CNTNAP2: variants seen among roughly 807,000 people sequenced by gnomAD.
CNTNAP2 encodes contactin-associated protein-like 2.
CNTNAP2 carries 98 observed loss-of-function variants against 155.2 expected under a neutral mutation model. The observed-to-expected ratio is 0.63, with a 90% CI of 0.54 to 0.75. CNTNAP2 has a LOEUF of 0.75. CNTNAP2 is among the 30% of genes least tolerant of loss of function. The probability of loss-of-function intolerance (pLI) is 0.00; values close to 1 mark genes in which losing one functional copy is unlikely to be tolerated. For missense variants in CNTNAP2, 1,727 were observed against 1,688.1 expected, an observed-to-expected ratio of 1.02 and a Z score of -0.40; for synonymous variants, 651 against 631.2, an observed-to-expected ratio of 1.03 and a Z score of -0.47.
chr7:147,132,326 C>A lies in CNTNAP2; in HGVS notation c.1165C>A (p.Arg389=), dbSNP rs375172684. ...NATSYLEVPG[R]LNQDLFSVSF... is the part of the protein sequence containing the mutation. Reference sequence around the variant, plus strand: ...TACAAGTTACCTGGAGGTGCCCGGACGGCTTAACCAGGACCTGTTCTCAGT... The same window carrying A: ...TACAAGTTACCTGGAGGTGCCCGGAAGGCTTAACCAGGACCTGTTCTCAGT... Residue 389 remains arginine, a synonymous_variant, in exon 8 of 24, where the codon CGG becomes AGG. Coordinates refer to ENST00000361727, the MANE Select transcript of CNTNAP2 (RefSeq NM_014141.6). 3.7e-6 allele frequency: 6 copies of A among 1,613,592 alleles called. No homozygotes were observed. The African/African-American group carries it at 8.0e-5, about 22-fold the overall frequency.
chr7:147,824,779 A>G, intron 13 of CNTNAP2, among the ~76,000 whole-genome samples: 1 of 152,116 alleles, frequency 6.6e-6, no homozygotes, highest in East Asian at 1.9e-4. Context: ...TTTAAGAAGT[A>G]AGAGAAGTGA....
intron 4 of CNTNAP2, among the ~76,000 whole-genome samples, chr7:147,103,494 A>G (rs1479755669): frequency 6.6e-6 from 1 of 152,110 alleles, no homozygotes; most frequent in Non-Finnish European, 1.5e-5. Flanking sequence ...TCTTGAAGTG[A>G]CTTGGTATTT....
chr7:146,463,070 A>G (rs1416170873), intron 1 of CNTNAP2, among the ~76,000 whole-genome samples: 1 of 152,118 alleles, frequency 6.6e-6, no homozygotes, highest in Non-Finnish European at 1.5e-5. Flanking sequence ...AGGAAGTTGA[A>G]TAGACTAGAA....
In CNTNAP2 at chr7:147,108,201, A is replaced by G. The variant is rs756717348; in HGVS notation, c.605A>G (p.Asn202Ser). 1 of 1,613,770 alleles carries G rather than the reference A, an allele frequency of 6.2e-7. No individual in the cohort carries two copies. Among genetic ancestry groups the G allele is most frequent in the Non-Finnish European group, 8.5e-7 (1 of 1,179,808 alleles). Reference sequence around the variant, plus strand: ...GTTGTATTACCATATAGATTCAGAAACAAGAAGATGAAAACACTGAAAGAT... The same window carrying G: ...GTTGTATTACCATATAGATTCAGAAGCAAGAAGATGAAAACACTGAAAGAT... ...GHVVLPYRFR[N>S]KKMKTLKDVI... is the part of the protein sequence containing the mutation. The change falls in exon 5 of 24, where the codon AAC becomes AGC. Residue 202 changes from asparagine (N) to serine (S), a missense_variant. Transcript: ENST00000361727.
intron 9 of CNTNAP2, among the ~76,000 whole-genome samples, chr7:147,319,322 T>C (rs1021776530): frequency 1.3e-5 from 2 of 152,204 alleles, no homozygotes; most frequent in African/African-American, 4.8e-5. Flanking sequence ...TATATAATGG[T>C]AAATATCAAC....
At chr7:147,317,976 A>G (rs1046936459) in intron 9 of CNTNAP2, among the ~76,000 whole-genome samples, 2 of 152,088 alleles carry the variant, frequency 1.3e-5, no homozygotes, top group Admixed American at 1.3e-4. Flanking sequence ...GTAAAACAGA[A>G]TTTTAGCAAT....
At chr7:146,809,556 G>T (rs2129193395) in intron 2 of CNTNAP2, among the ~76,000 whole-genome samples, 1 of 151,954 alleles carries the variant, frequency 6.6e-6, no homozygotes, top group East Asian at 1.9e-4. Flanking sequence ...TAGAGACGGG[G>T]TTTTACCATG....
intron 8 of CNTNAP2, among the ~76,000 whole-genome samples, chr7:147,228,380 G>C (rs1803597059): frequency 6.6e-6 from 1 of 152,128 alleles, no homozygotes; most frequent in African/African-American, 2.4e-5. Flanking sequence ...TAGGAGAAAG[G>C]GGGAATTGCT....
intron 9 of CNTNAP2, among the ~76,000 whole-genome samples, chr7:147,373,172 A>G (rs1796377053): frequency 6.6e-6 from 1 of 152,102 alleles, no homozygotes; most frequent in Non-Finnish European, 1.5e-5. Flanking sequence ...TAATATCAAC[A>G]GGCTCTCTCT....
At chr7:146,417,443 A>G (rs1795953444) in intron 1 of CNTNAP2, among the ~76,000 whole-genome samples, 1 of 152,180 alleles carries the variant, frequency 6.6e-6, no homozygotes, top group Non-Finnish European at 1.5e-5. Context: ...CAAAGGCAGC[A>G]TGTTTATGCC....
chr7:147,039,641 G>A (rs1584798667), intron 3 of CNTNAP2, among the ~76,000 whole-genome samples: 2 of 152,284 alleles, frequency 1.3e-5, no homozygotes, highest in Middle Eastern at 3.4e-3. Context: ...ACATTTGCAT[G>A]CATGTGTCTT....
intron 1 of CNTNAP2, among the ~76,000 whole-genome samples, chr7:146,377,422 C>T (rs572155882): frequency 6.6e-6 from 1 of 152,264 alleles, no homozygotes; most frequent in Admixed American, 6.5e-5. Flanking sequence ...TCTATTTGCT[C>T]TCTTACTTTA....
intron 8 of CNTNAP2, among the ~76,000 whole-genome samples, chr7:147,160,513 T>G (rs922970628): frequency 6.6e-6 from 1 of 152,136 alleles, no homozygotes; most frequent in Non-Finnish European, 1.5e-5. Flanking sequence ...ACCCCCTCCT[T>G]TTATTAATTA....
chr7:147,211,937 G>A (rs1803155707), intron 8 of CNTNAP2, among the ~76,000 whole-genome samples: 1 of 151,918 alleles, frequency 6.6e-6, no homozygotes, highest in Non-Finnish European at 1.5e-5. Context: ...GTGGACAAAA[G>A]ACATGAACAG....
rs1207700854 is a variant in CNTNAP2, at chr7:146,906,257, G to C, written c.402+66353G>C. ...CCCGCCATTGCCCAGGCTTGCTTAG[G>C]TAAACAAAGCAGCCAGGAAGCTGGA... is the stretch of plus-strand genomic sequence containing the variant. On this transcript the variant is annotated intron_variant, in intron 3 of 23. Coordinates refer to ENST00000361727, the MANE Select transcript of CNTNAP2 (RefSeq NM_014141.6). Among the ~76,000 whole-genome samples, 10 of 152,240 alleles carry C rather than the reference G, an allele frequency of 6.6e-5. No homozygotes were observed. The East Asian group carries it at 1.3e-3, about 21-fold the overall frequency.
intron 1 of CNTNAP2, chr7:146,311,627 A>G (rs1306764316): frequency 6.8e-6 from 1 of 148,074 alleles, no homozygotes; most frequent in Admixed American, 6.7e-5. Flanking sequence ...AAAAAAAAAA[A>G]AGAAAGAAAG....
At chr7:146,816,954 T>G (rs1300468888) in intron 2 of CNTNAP2, among the ~76,000 whole-genome samples, 1 of 152,200 alleles carries the variant, frequency 6.6e-6, no homozygotes, top group East Asian at 1.9e-4. Context: ...AAGCTGTTAC[T>G]TTAAAATCAT....
intron 1 of CNTNAP2, among the ~76,000 whole-genome samples, chr7:146,360,938 AT>A (rs1236246260): frequency 6.6e-6 from 1 of 152,192 alleles, no homozygotes; most frequent in Non-Finnish European, 1.5e-5. Flanking sequence ...TCAAGACACT[AT>A]ACACTTGTCA....
intron 4 of CNTNAP2, among the ~76,000 whole-genome samples, chr7:147,080,742 A>G (rs929166311): frequency 3.3e-5 from 5 of 149,502 alleles, no homozygotes; most frequent in Non-Finnish European, 5.9e-5. Context: ...TGTCATTTCA[A>G]TCCTGAGCTA....
Sources: allele counts gnomAD v4.1 joint callset (sites outside exome capture counted in the v4.1 genomes callset), GRCh38; gene constraint gnomAD v4.1.1; transcripts MANE v1.5; gene names NCBI Gene and HGNC (gene_info 2026-07-23, HGNC 2026-07-21).